TBP: variants seen among roughly 807,000 people sequenced by gnomAD.
TBP encodes the protein TATA-box binding protein.
In TBP, 12 loss-of-function variants were observed where a neutral mutation model predicts 46.2. The observed-to-expected ratio is 0.26, with a 90% CI of 0.17 to 0.42. The LOEUF is 0.42. TBP is among the 10% of genes least tolerant of loss of function. TBP has a pLI of 1.00. For missense variants in TBP, 229 were observed against 403.1 expected, an observed-to-expected ratio of 0.57 and a Z score of 3.70; for synonymous variants, 157 against 148.3, an observed-to-expected ratio of 1.06 and a Z score of -0.42.
chr6:170,557,214 T>G, intron 2 of TBP, 131 bp downstream of exon 2: 1 of 831,086 alleles, frequency 1.2e-6, no homozygotes, highest in Non-Finnish European at 1.9e-6. Context: ...AGCCTTATTT[T>G]GTTGAGAAGT....
At chr6:170,568,082 T>C (rs1779297561) in intron 5 of TBP, among the ~76,000 whole-genome samples, 1 of 152,252 alleles carries the variant, frequency 6.6e-6, no homozygotes, top group Non-Finnish European at 1.5e-5. Flanking sequence ...TTCTGGCTCC[T>C]GATCTCCGAG....
rs148273967 is a variant in TBP at position 170,564,984 on chromosome 6, C to T, written c.585+352C>T. Among the ~76,000 whole-genome samples the T allele has an allele frequency of 3.8e-3, 579 of 152,212 alleles. 5 individuals carry two copies. The highest frequency in any genetic ancestry group is 0.013 in the African/African-American group (520 of 41,530). ...CCATCCTGGCCAACATAGTGAAACC[C>T]CGTCTCTACTAAAAATACAAAAATT... On this transcript the variant is annotated intron_variant, in intron 4 of 7. Transcript: ENST00000392092.
chr6:170,561,715 T>C lies in TBP; in HGVS notation c.55-76T>C, dbSNP rs1779140758. On this transcript the variant is annotated intron_variant, in intron 2 of 7. Coordinates refer to ENST00000392092, the MANE Select transcript of TBP (RefSeq NM_003194.5). ...GGCATCTGTCTTTGCACACCTGACC[T>C]GCTGTTCCACCAAGAAAGTTCCACA... 8 of 1,557,200 alleles carry C rather than the reference T, an allele frequency of 5.1e-6. No homozygotes were observed. The Admixed American group carries it at 1.4e-4, about 28-fold the overall frequency.
At chr6:170,567,811 T>A (rs1031585810) in intron 5 of TBP, among the ~76,000 whole-genome samples, 11 of 152,340 alleles carry the variant, frequency 7.2e-5, no homozygotes, top group African/African-American at 2.4e-4. Flanking sequence ...CCATCTGAAG[T>A]GATCCTGTCT....
chr6:170,564,256 G>A (rs1238500351), intron 3 of TBP, among the ~76,000 whole-genome samples: 4 of 152,164 alleles, frequency 2.6e-5, no homozygotes, highest in African/African-American at 4.8e-5. Context: ...TCCTCCACTT[G>A]GGAGCCATTG....
At chr6:170,566,830 T>G in intron 4 of TBP, 88 bp from the exon 5 acceptor site, 1 of 1,024,750 alleles carries the variant, frequency 9.8e-7, no homozygotes, top group Admixed American at 2.0e-5. Context: ...TTCCTACCAG[T>G]TGTGATTTTT....
Position 170,572,334 on chromosome 6 carries a change from G to A in TBP, c.*69G>A. 7.9e-7 allele frequency: 1 copy of A among 1,260,904 alleles called. No homozygotes were observed. The highest frequency in any genetic ancestry group is 1.3e-5 in the South Asian group (1 of 79,084). The allele number at this position is 1,260,904 out of a possible 1,614,324, so 78.1% of individuals were successfully genotyped here. ...TTTTTTAAACAAATCAGTTTGTTTT[G>A]GTACCTTTAAATGGTGGTGTTGTGA... On this transcript the variant is annotated 3_prime_UTR_variant, in exon 8 of 8. Transcript: ENST00000392092.
chr6:170,562,298 G>A, intron 3 of TBP, 65 bp downstream of exon 3: 1 of 1,486,558 alleles, frequency 6.7e-7, no homozygotes, highest in Non-Finnish European at 9.2e-7. Context: ...TTCCTGCTCT[G>A]TTTTCAGATG....
intron 6 of TBP, 65 bp from the exon 7 acceptor site, chr6:170,571,345 T>TC: frequency 8.9e-7 from 1 of 1,118,868 alleles, no homozygotes; most frequent in Non-Finnish European, 1.3e-6. Flanking sequence ...CTTGTACAGG[T>TC]CCTCATTTTA....
intron 6 of TBP, among the ~76,000 whole-genome samples, chr6:170,570,355 T>A (rs939547652): frequency 6.6e-6 from 1 of 152,204 alleles, no homozygotes; most frequent in Non-Finnish European, 1.5e-5. Context: ...GCCACTTTTA[T>A]GCCTAGTATG....
rs116712539 is a variant in TBP, at chr6:170,566,087, T to A, written c.586-831T>A. 1.8e-3 allele frequency among the ~76,000 whole-genome samples: 278 copies of A among 151,768 alleles called. 1 individual carries two copies. Among genetic ancestry groups the A allele is most frequent in the African/African-American group, 6.0e-3 (248 of 41,412 alleles). On this transcript the variant is annotated intron_variant, in intron 4 of 7. Transcript: ENST00000392092. ...AGACTCTTGTCTCTAAAAAAAAAAA[T>A]TAATAAAATAAAAAAATAAAATTGT...
intron 5 of TBP, among the ~76,000 whole-genome samples, chr6:170,567,941 A>G (rs1159929626): frequency 6.6e-6 from 1 of 152,264 alleles, no homozygotes; most frequent in East Asian, 1.9e-4. Context: ...CAAATAAACT[A>G]AAACTTTTTA....
intron 3 of TBP, 26 bp from the exon 4 acceptor site, chr6:170,564,519 G>C: frequency 6.7e-7 from 1 of 1,485,298 alleles, no homozygotes; most frequent in South Asian, 1.2e-5. Flanking sequence ...TTAAATAGTC[G>C]TGTTTTCTTT....
At chr6:170,566,375 TC>T (rs1779247078) in intron 4 of TBP, among the ~76,000 whole-genome samples, 1 of 152,236 alleles carries the variant, frequency 6.6e-6, no homozygotes, top group African/African-American at 2.4e-5. Context: ...TGTGTTTTTT[TC>T]CTAATTTGCA....
At chr6:170,558,707 TA>T (rs1482820565) in intron 2 of TBP, among the ~76,000 whole-genome samples, 31 of 150,454 alleles carry the variant, frequency 2.1e-4, no homozygotes, top group African/African-American at 7.2e-4. Context: ...ATTTTTTTTT[TA>T]ATTTTTTTTT....
chr6:170,571,388 CT>C, intron 6 of TBP, 21 bp from the exon 7 acceptor site: 1 of 1,578,342 alleles, frequency 6.3e-7, no homozygotes, highest in Non-Finnish European at 8.7e-7. Context: ...GATTTCTAAA[CT>C]TTTTGCAATT....
rs78045471 is a variant in TBP, at chr6:170,566,596, A to G, written c.586-322A>G. The stretch of plus-strand genomic sequence containing the variant: ...GATAAGCAGCAAATATAAAGTAGAA[A>G]CAGAAGCACTTGTATTTATTGAGAA... On this transcript the variant is annotated intron_variant, in intron 4 of 7. Coordinates refer to ENST00000392092, the MANE Select transcript of TBP (RefSeq NM_003194.5). Among the ~76,000 whole-genome samples the G allele has an allele frequency of 1.1e-3, 170 of 152,346 alleles. 4 individuals carry two copies. The East Asian group carries it at 0.032, about 28-fold the overall frequency.
At chr6:170,571,939 TACATGCCTC>T (rs1029975448) in intron 7 of TBP, among the ~76,000 whole-genome samples, 2 of 151,732 alleles carry the variant, frequency 1.3e-5, no homozygotes, top group Middle Eastern at 3.2e-3. Flanking sequence ...GAAGTGTGAA[TACATGCCTC>T]TTGAGCTATA....
At position 170,558,719 on chromosome 6, in the gene TBP, T is replaced by C. The variant is rs538315042; in HGVS notation, c.54+1636T>C. The stretch of plus-strand genomic sequence containing the variant: ...TGTATTTTTTTTTTAATTTTTTTTT[T>C]CAGTCACTCTGTTGCCCAGGCTGGA... On this transcript the variant is annotated intron_variant, in intron 2 of 7. Coordinates refer to ENST00000392092, the MANE Select transcript of TBP (RefSeq NM_003194.5). Among the ~76,000 whole-genome samples, 311 of 151,876 alleles carry C rather than the reference T, an allele frequency of 2.0e-3. 2 individuals are homozygous for C. Among genetic ancestry groups the C allele is most frequent in the African/African-American group, 7.3e-3 (301 of 41,404 alleles).
Sources: allele counts gnomAD v4.1 joint callset (sites outside exome capture counted in the v4.1 genomes callset), GRCh38; gene constraint gnomAD v4.1.1; transcripts MANE v1.5; gene names NCBI Gene and HGNC (gene_info 2026-07-23, HGNC 2026-07-21).